The following USP34 variants were observed in gnomAD, a reference collection of about 807,000 sequenced individuals.
The protein encoded by USP34 is ubiquitin carboxyl-terminal hydrolase 34.
In USP34, 70 loss-of-function variants were observed where a neutral mutation model predicts 460.3. That is an observed-to-expected ratio of 0.15 (90% CI 0.13 to 0.19). The LOEUF is 0.19. Among genes scored for constraint, USP34 ranks in the 10% least tolerant of loss-of-function variants. The pLI is 1.00. For missense variants in USP34, 3,985 were observed against 4,236.2 expected, an observed-to-expected ratio of 0.94 and a Z score of 1.65; for synonymous variants, 1,647 against 1,405.3, an observed-to-expected ratio of 1.17 and a Z score of -3.85.
chr2:61,207,851 C>A (rs1269035349), intron 70 of USP34: 2 of 152,176 alleles, frequency 1.3e-5, no homozygotes, highest in East Asian at 3.8e-4. Flanking sequence ...AATGTTTTCC[C>A]CCTTACCTTT....
chr2:61,223,827 C>A (rs971955214), intron 62 of USP34, among the ~76,000 whole-genome samples: 1 of 152,086 alleles, frequency 6.6e-6, no homozygotes, highest in African/African-American at 2.4e-5. Context: ...ACCTAGATTG[C>A]ATATTTCTTT....
At chr2:61,305,791 G>A (rs541808545) in intron 27 of USP34, among the ~76,000 whole-genome samples, 11 of 149,838 alleles carry the variant, frequency 7.3e-5, no homozygotes, top group South Asian at 4.2e-4. Context: ...TTTTTTCCCC[G>A]TCGTTGGCTG....
chr2:61,216,193 T>A (rs1432627470), intron 67 of USP34, among the ~76,000 whole-genome samples: 1 of 152,262 alleles, frequency 6.6e-6, no homozygotes, highest in Non-Finnish European at 1.5e-5. Flanking sequence ...TTAGTCAGAA[T>A]TTTTAAGGCT....
rs983300170 is a variant in USP34, at chr2:61,343,712, A to C, written c.2500+103T>G. The C allele has an allele frequency of 4.0e-6, 5 of 1,249,070 alleles. No individual in the cohort carries two copies. The African/African-American group carries it at 6.1e-5, about 15-fold the overall frequency. 77.4% of individuals were successfully genotyped at this position (1,249,070 alleles called of 1,614,324 possible). On this transcript the variant is annotated intron_variant, in intron 16 of 79. Coordinates refer to ENST00000398571, the MANE Select transcript of USP34 (RefSeq NM_014709.4). Reference sequence around the variant, plus strand: ...ATATGTAAGTTATTTTGACAAAAACATTTAAGTACCATAACCTTAACTATT... The same window carrying C: ...ATATGTAAGTTATTTTGACAAAAACCTTTAAGTACCATAACCTTAACTATT...
chr2:61,328,392 A>G (rs1380801496), intron 20 of USP34, among the ~76,000 whole-genome samples: 1 of 151,892 alleles, frequency 6.6e-6, no homozygotes, highest in African/African-American at 2.4e-5. Context: ...CTTTCATGCT[A>G]CAAGAATCTT....
At chr2:61,360,643 C>T (rs1268660877) in intron 10 of USP34, among the ~76,000 whole-genome samples, 2 of 152,194 alleles carry the variant, frequency 1.3e-5, no homozygotes, top group East Asian at 3.8e-4. Context: ...AACGCAATCC[C>T]TATCAAAATC....
chr2:61,416,994 G>C, intron 2 of USP34: 1 of 1,318,830 alleles, frequency 7.6e-7, no homozygotes. Flanking sequence ...CAAATTCATC[G>C]GCATTGAACT....
intron 35 of USP34, among the ~76,000 whole-genome samples, chr2:61,284,373 T>G (rs1689626278): frequency 6.6e-6 from 1 of 152,096 alleles, no homozygotes; most frequent in Non-Finnish European, 1.5e-5. Context: ...AAATGTATCA[T>G]GAGAGAAAGG....
rs1053887807 is a variant in USP34 at position 61,394,777 on chromosome 2, T to C, written c.753+76A>G. Reference sequence around the variant, plus strand: ...TGCAAATCATTCAAAACCTTCCTTTTCAGAGCATAAAATTCATGTTACTGA... The same window carrying C: ...TGCAAATCATTCAAAACCTTCCTTTCCAGAGCATAAAATTCATGTTACTGA... On this transcript the variant is annotated intron_variant, in intron 5 of 79. Coordinates refer to ENST00000398571, the MANE Select transcript of USP34 (RefSeq NM_014709.4). The C allele has an allele frequency of 4.6e-5, 56 of 1,208,902 alleles. No homozygotes were observed. The African/African-American group carries it at 8.5e-4, about 18-fold the overall frequency. 74.9% of individuals were successfully genotyped at this position (1,208,902 alleles called of 1,614,324 possible). A position where few individuals can be genotyped will look rare whatever the true frequency, so the allele number is the denominator to read the frequency against.
At chr2:61,385,893 T>C (rs748156067) in intron 5 of USP34, among the ~76,000 whole-genome samples, 15 of 147,920 alleles carry the variant, frequency 1.0e-4, no homozygotes, top group Non-Finnish European at 1.8e-4. Context: ...CTACTTGGGA[T>C]GCTGAGACAG....
At chr2:61,222,881 G>T in intron 64 of USP34, 179 bp downstream of exon 64, 1 of 689,340 alleles carries the variant, frequency 1.5e-6, no homozygotes, top group Admixed American at 3.0e-5. Flanking sequence ...ATTTTGTGTA[G>T]AGACGGGTTC....
chr2:61,446,090 G>T (rs1475712392), intron 1 of USP34, among the ~76,000 whole-genome samples: 1 of 137,014 alleles, frequency 7.3e-6, no homozygotes, highest in African/African-American at 2.6e-5. Flanking sequence ...CTCCAGTCTG[G>T]GTGACAGAGT....
chr2:61,268,549 T>C (rs772882299), intron 41 of USP34, among the ~76,000 whole-genome samples: 4 of 151,074 alleles, frequency 2.6e-5, no homozygotes, highest in Non-Finnish European at 5.9e-5. Context: ...AAAAGGCTCC[T>C]GAGTCCTCAA....
intron 1 of USP34, among the ~76,000 whole-genome samples, chr2:61,428,099 G>C (rs1162826960): frequency 6.6e-6 from 1 of 151,372 alleles, no homozygotes; most frequent in Non-Finnish European, 1.5e-5. Flanking sequence ...CGGGAGGCAG[G>C]GGTTGCAGTG....
At chr2:61,375,044 T>C (rs1349881875) in intron 8 of USP34, among the ~76,000 whole-genome samples, 2 of 152,144 alleles carry the variant, frequency 1.3e-5, no homozygotes, top group Non-Finnish European at 2.9e-5. Context: ...GAACAGTCTG[T>C]AGTACAGACC....
intron 1 of USP34, among the ~76,000 whole-genome samples, chr2:61,435,307 CAAAAA>C (rs59158283): frequency 1.7e-3 from 69 of 40,954 alleles, no homozygotes; most frequent in African/African-American, 5.5e-3. Context: ...GACCTTGTTT[CAAAAA>C]AAAAAAAAAA....
intron 33 of USP34, among the ~76,000 whole-genome samples, chr2:61,291,753 A>G (rs1255363444): frequency 6.6e-6 from 1 of 152,232 alleles, no homozygotes; most frequent in Non-Finnish European, 1.5e-5. Context: ...ACTCCTAAGC[A>G]TATGCCAAAA....
intron 27 of USP34, among the ~76,000 whole-genome samples, chr2:61,305,786 TC>T (rs1470003554): frequency 6.6e-6 from 1 of 152,004 alleles, no homozygotes; most frequent in Non-Finnish European, 1.5e-5. Context: ...CTTTTTTTTT[TC>T]CCCGTCGTTG....
chr2:61,321,544 A>T lies in USP34; in HGVS notation c.3014-2217T>A, dbSNP rs188675280. ...TCCTATTTGTAAAATTTAAAATCAC[A>T]TTCATACAACATTTTGGCCCTAAAT... On this transcript the variant is annotated intron_variant, in intron 21 of 79. Coordinates refer to ENST00000398571, the MANE Select transcript of USP34 (RefSeq NM_014709.4). Among the ~76,000 whole-genome samples, 3 of 152,318 alleles carry T rather than the reference A, an allele frequency of 2.0e-5. No individual in the cohort carries two copies. The East Asian group carries it at 5.8e-4, about 29-fold the overall frequency.
Sources: gnomAD v4.1 joint callset for allele counts (sites outside exome capture counted in the v4.1 genomes callset) on GRCh38, gnomAD v4.1.1 for gene constraint, MANE v1.5 for transcripts, NCBI Gene and HGNC (gene_info 2026-07-23, HGNC 2026-07-21) for gene names.